The following PCDH11X variants were observed in gnomAD, a reference collection of about 807,000 sequenced individuals.
The protein encoded by PCDH11X is protocadherin 11 X-linked, also known as protocadherin-11 X-linked.
Under a neutral mutation model 53.3 loss-of-function variants are expected in PCDH11X, and 18 were observed. The ratio of observed to expected loss-of-function variants is 0.34; its 90% CI spans 0.23 to 0.50. The LOEUF (loss-of-function observed/expected upper bound fraction) is 0.50, where lower values mean the gene tolerates loss of function less well. PCDH11X is among the 20% of genes least tolerant of loss of function. PCDH11X has a pLI of 0.98. For missense variants in PCDH11X, 570 were observed against 1,032.4 expected, an observed-to-expected ratio of 0.55 and a Z score of 6.14; for synonymous variants, 279 against 393.3, an observed-to-expected ratio of 0.71 and a Z score of 3.44.
chrX:92,537,799 T>C (rs1172780249), intron 10 of PCDH11X, among the ~76,000 whole-genome samples: 1 of 108,059 alleles, frequency 9.3e-6, no homozygotes, highest in Non-Finnish European at 1.9e-5. Flanking sequence ...TTTCCGATAA[T>C]TAACTATTGG....
At chrX:91,851,190 G>A (rs1212188062) in intron 5 of PCDH11X, among the ~76,000 whole-genome samples, 2 of 111,388 alleles carry the variant, frequency 1.8e-5, no homozygotes, top group Non-Finnish European at 3.8e-5. Flanking sequence ...TTTACTGACT[G>A]TACATCAGAA....
intron 6 of PCDH11X, among the ~76,000 whole-genome samples, chrX:91,884,190 C>CA (rs34953838): frequency 0.079 from 2,938 of 37,421 alleles, 339 homozygotes; most frequent in African/African-American, 0.27. Flanking sequence ...GACTCCGTCT[C>CA]AAAAAAAAAA....
In PCDH11X at chrX:92,210,655, G is replaced by GCATATT. The variant is rs2066568131; in HGVS notation, c.3114+9202_3114+9203insTATTCA. Reference sequence around the variant, plus strand: ...AGTTTCAGGTCATTTCTTTGTTTATGCAAGTGAATATAGGCTCTTAGAAGC... The same window carrying GCATATT: ...AGTTTCAGGTCATTTCTTTGTTTATGCATATTCAAGTGAATATAGGCTCTTAGAAGC... On this transcript the variant is annotated intron_variant, in intron 7 of 10. Coordinates refer to ENST00000682573, the MANE Select transcript of PCDH11X (RefSeq NM_032968.5). Among the ~76,000 whole-genome samples, 4 of 111,598 alleles carry GCATATT rather than the reference G, an allele frequency of 3.6e-5. No individual in the cohort carries two copies. In the Admixed American group the frequency reaches 3.8e-4, roughly 11 times the overall value.
At chrX:91,918,123 A>G (rs956636699) in intron 6 of PCDH11X, among the ~76,000 whole-genome samples, 6 of 106,402 alleles carry the variant, frequency 5.6e-5, no homozygotes, top group African/African-American at 2.0e-4. Flanking sequence ...GTTGCGTAAT[A>G]AATTACCACT....
chrX:91,992,603 A>G (rs907194886), intron 6 of PCDH11X, among the ~76,000 whole-genome samples: 4 of 96,443 alleles, frequency 4.1e-5, no homozygotes, highest in African/African-American at 1.2e-4. Flanking sequence ...AGTTGTAAAT[A>G]TTGTCTCTGG....
intron 7 of PCDH11X, among the ~76,000 whole-genome samples, chrX:92,230,774 A>G (rs1442039904): frequency 9.3e-6 from 1 of 107,582 alleles, no homozygotes; most frequent in Admixed American, 1.1e-4. Flanking sequence ...AGAGGTTGCT[A>G]AACAACTTGC....
At chrX:92,245,295 T>C (rs1363100989) in intron 7 of PCDH11X, among the ~76,000 whole-genome samples, 1 of 112,130 alleles carries the variant, frequency 8.9e-6, no homozygotes, top group Non-Finnish European at 1.9e-5. Flanking sequence ...CTTTTATTTC[T>C]GTATTATGGA....
At chrX:92,315,817 T>C (rs1603268216) in intron 8 of PCDH11X, among the ~76,000 whole-genome samples, 1 of 109,878 alleles carries the variant, frequency 9.1e-6, no homozygotes, top group East Asian at 2.9e-4. Context: ...ATTACAGGGG[T>C]GAGCCACCAC....
At chrX:92,126,853 T>A (rs1398564706) in intron 6 of PCDH11X, among the ~76,000 whole-genome samples, 9 of 92,966 alleles carry the variant, frequency 9.7e-5, no homozygotes, top group African/African-American at 3.3e-4. Flanking sequence ...TTGAAATATG[T>A]TAAAAAAAAA....
At chrX:92,152,751 TTATGTATGTATGTATGTATG>T (rs559164762) in intron 6 of PCDH11X, among the ~76,000 whole-genome samples, 19 of 99,051 alleles carry the variant, frequency 1.9e-4, no homozygotes, top group African/African-American at 5.4e-4. Context: ...TATTTTTATT[TTATGTATGTATGTATGTATG>T]TATGTATGTA....
intron 10 of PCDH11X, among the ~76,000 whole-genome samples, chrX:92,532,227 T>C (rs1355700680): frequency 1.8e-5 from 2 of 111,539 alleles, no homozygotes; most frequent in East Asian, 5.7e-4. Flanking sequence ...ACAGAGATTA[T>C]TGCCTTAGCC....
At chrX:92,148,520 T>A (rs2065370707) in intron 6 of PCDH11X, among the ~76,000 whole-genome samples, 1 of 107,662 alleles carries the variant, frequency 9.3e-6, no homozygotes, top group African/African-American at 3.4e-5. Flanking sequence ...AGCCACTGCG[T>A]CGGCCTGAAT....
chrX:92,101,423 T>C (rs925920663), intron 6 of PCDH11X, among the ~76,000 whole-genome samples: 35 of 111,608 alleles, frequency 3.1e-4, no homozygotes, highest in Non-Finnish European at 3.4e-4. Flanking sequence ...CAGTCCTTTT[T>C]GGTGGCTGAG....
intron 6 of PCDH11X, among the ~76,000 whole-genome samples, chrX:92,007,347 C>T (rs1408768827): frequency 1.8e-5 from 2 of 111,873 alleles, no homozygotes; most frequent in African/African-American, 6.5e-5. Flanking sequence ...CACTCTTCCC[C>T]CCTCTTTCCA....
chrX:92,358,669 G>A (rs924625200), intron 8 of PCDH11X, among the ~76,000 whole-genome samples: 2 of 103,043 alleles, frequency 1.9e-5, no homozygotes, highest in African/African-American at 7.0e-5. Flanking sequence ...CACAACCTGG[G>A]TAGTCACAGA....
At chrX:92,215,071 G>A (rs2066667108) in intron 7 of PCDH11X, among the ~76,000 whole-genome samples, 1 of 111,262 alleles carries the variant, frequency 9.0e-6, no homozygotes, top group Admixed American at 9.6e-5. Flanking sequence ...TGGGGAAGCA[G>A]CCAAGATGGC....
chrX:92,238,167 A>T (rs1436392211), intron 7 of PCDH11X, among the ~76,000 whole-genome samples: 1 of 111,942 alleles, frequency 8.9e-6, no homozygotes, highest in Non-Finnish European at 1.9e-5. Flanking sequence ...AACTAAAAAA[A>T]CTTTAAAATG....
At chrX:92,552,861 T>C (rs1482668240) in intron 10 of PCDH11X, among the ~76,000 whole-genome samples, 2 of 110,724 alleles carry the variant, frequency 1.8e-5, no homozygotes, top group Admixed American at 1.9e-4. Context: ...GTTGAACCAC[T>C]CTTGCATCCC....
chrX:91,974,899 C>T (rs1332163171), intron 6 of PCDH11X, among the ~76,000 whole-genome samples: 2 of 110,159 alleles, frequency 1.8e-5, no homozygotes, highest in African/African-American at 3.3e-5. Context: ...ACTACAGGCT[C>T]GTGCCACCAT....
Sources: gnomAD v4.1 joint callset for allele counts (sites outside exome capture counted in the v4.1 genomes callset) on GRCh38, gnomAD v4.1.1 for gene constraint, MANE v1.5 for transcripts, NCBI Gene and HGNC (gene_info 2026-07-23, HGNC 2026-07-21) for gene names.